PDLIM1: variants seen among roughly 807,000 people sequenced by gnomAD.
PDLIM1 encodes the protein PDZ and LIM domain protein 1.
A neutral mutation model predicts 35.2 loss-of-function variants in PDLIM1; 25 were observed. That is an observed-to-expected ratio of 0.71 (90% CI 0.52 to 0.99). The LOEUF is 0.99. Among genes scored for constraint, PDLIM1 ranks in the 50% least tolerant of loss-of-function variants. PDLIM1 has a pLI of 0.00. For missense variants in PDLIM1, 363 were observed against 415.3 expected, an observed-to-expected ratio of 0.87 and a Z score of 1.09; for synonymous variants, 152 against 154.0, an observed-to-expected ratio of 0.99 and a Z score of 0.10.
Position 95,266,239 on chromosome 10 carries a change from C to T in PDLIM1, c.334-2176G>A, listed in dbSNP as rs2035416121. ...ATAAATAACAAAAAATAAAAAACAA[C>T]ACAAAACTTCAGCAGTTATCAAAGA... On this transcript the variant is annotated intron_variant, in intron 3 of 6. Coordinates refer to ENST00000329399, the MANE Select transcript of PDLIM1 (RefSeq NM_020992.4). 1.3e-5 allele frequency among the ~76,000 whole-genome samples: 2 copies of T among 152,038 alleles called. 1 individual carries two copies. Among genetic ancestry groups the T allele is most frequent in the South Asian group, 4.2e-4 (2 of 4,808 alleles).
At chr10:95,277,606 G>A (rs2035523541) in intron 1 of PDLIM1, among the ~76,000 whole-genome samples, 1 of 152,002 alleles carries the variant, frequency 6.6e-6, no homozygotes, top group African/African-American at 2.4e-5. Flanking sequence ...TCACACCACT[G>A]CACTCCAGCC....
intron 4 of PDLIM1, among the ~76,000 whole-genome samples, chr10:95,253,523 C>T (rs911520617): frequency 6.6e-6 from 1 of 152,022 alleles, no homozygotes; most frequent in Non-Finnish European, 1.5e-5. Flanking sequence ...GGCGTGGTGG[C>T]GGATGCCCGT....
intron 2 of PDLIM1, 86 bp downstream of exon 2, chr10:95,271,547 G>T: frequency 2.5e-6 from 3 of 1,181,936 alleles, no homozygotes; most frequent in South Asian, 3.1e-5. Context: ...GGAGGTCTGG[G>T]GGATTCTGAG....
chr10:95,248,816 AG>A (rs2035244211), intron 4 of PDLIM1, among the ~76,000 whole-genome samples: 1 of 152,196 alleles, frequency 6.6e-6, no homozygotes, highest in Non-Finnish European at 1.5e-5. Context: ...CTAGCTTCAC[AG>A]CCTATGCACT....
chr10:95,270,540 G>A (rs1385346887), intron 2 of PDLIM1, among the ~76,000 whole-genome samples: 1 of 152,046 alleles, frequency 6.6e-6, no homozygotes, highest in Non-Finnish European at 1.5e-5. Flanking sequence ...CCCTTCCAAG[G>A]CTAAATGAAA....
chr10:95,268,993 T>C, intron 2 of PDLIM1, 131 bp from the exon 3 acceptor site: 1 of 652,494 alleles, frequency 1.5e-6, no homozygotes, highest in Non-Finnish European at 2.7e-6. Context: ...AGCTCTACCT[T>C]CCATTTGCCA....
chr10:95,268,068 A>C (rs2035430514), intron 3 of PDLIM1, among the ~76,000 whole-genome samples: 1 of 152,218 alleles, frequency 6.6e-6, no homozygotes, highest in African/African-American at 2.4e-5. Context: ...TGCCTTGTAG[A>C]TTATTTAGAA....
At chr10:95,256,086 A>T (rs1348798628) in intron 4 of PDLIM1, among the ~76,000 whole-genome samples, 2 of 152,222 alleles carry the variant, frequency 1.3e-5, no homozygotes, top group African/African-American at 4.8e-5. Context: ...AATACCTAAT[A>T]AACTTAACCA....
intron 2 of PDLIM1, among the ~76,000 whole-genome samples, chr10:95,269,402 T>C (rs1435257083): frequency 6.6e-6 from 1 of 151,704 alleles, no homozygotes; most frequent in Non-Finnish European, 1.5e-5. Flanking sequence ...TGAAACCCCA[T>C]CTCCACTAAA....
intron 4 of PDLIM1, among the ~76,000 whole-genome samples, chr10:95,254,420 A>G (rs1008540956): frequency 1.3e-5 from 2 of 152,242 alleles, no homozygotes; most frequent in African/African-American, 4.8e-5. Flanking sequence ...TATAACCACA[A>G]AAGGGTTAAC....
In PDLIM1 at chr10:95,243,876, C is replaced by T. The variant is rs45603539; in HGVS notation, c.685+3339G>A. ...CCAAAAGGACAACTACTGCATGACA[C>T]CACTTATACAAGGTATTTAGAGTAG... On this transcript the variant is annotated intron_variant, in intron 5 of 6. Coordinates refer to ENST00000329399, the MANE Select transcript of PDLIM1 (RefSeq NM_020992.4). 1.8e-3 allele frequency among the ~76,000 whole-genome samples: 270 copies of T among 152,142 alleles called. 2 individuals are homozygous for T. The highest frequency in any genetic ancestry group is 6.2e-3 in the African/African-American group (256 of 41,486).
intron 4 of PDLIM1, among the ~76,000 whole-genome samples, chr10:95,257,038 G>GAAAGAAAAAAAT (rs1440640324): frequency 0.013 from 1,623 of 129,664 alleles, 57 homozygotes; most frequent in Middle Eastern, 0.061. Flanking sequence ...AAGAAAGAAA[G>GAAAGAAAAAAAT]AATTCAAAAT....
At chr10:95,245,536 T>C (rs1008525475) in intron 5 of PDLIM1, among the ~76,000 whole-genome samples, 1 of 152,148 alleles carries the variant, frequency 6.6e-6, no homozygotes, top group Non-Finnish European at 1.5e-5. Flanking sequence ...ATTGAAGGGT[T>C]TCACATCCAC....
chr10:95,266,196 CACAAATA>C (rs1334989355), intron 3 of PDLIM1, among the ~76,000 whole-genome samples: 2 of 151,732 alleles, frequency 1.3e-5, no homozygotes, highest in Non-Finnish European at 2.9e-5. Context: ...GACTCCATCT[CACAAATA>C]AAAAATAAAA....
intron 1 of PDLIM1, among the ~76,000 whole-genome samples, chr10:95,276,723 G>T (rs2035514408): frequency 1.3e-5 from 2 of 152,014 alleles, no homozygotes; most frequent in Non-Finnish European, 2.9e-5. Flanking sequence ...TGAGGAAATG[G>T]AGGAACAGGG....
At chr10:95,263,283 T>G (rs2035382527) in intron 4 of PDLIM1, among the ~76,000 whole-genome samples, 1 of 152,108 alleles carries the variant, frequency 6.6e-6, no homozygotes, top group South Asian at 2.1e-4. Context: ...TCTCCCCCAG[T>G]TAAGCCTGCC....
chr10:95,252,224 C>T (rs1008857765), intron 4 of PDLIM1, among the ~76,000 whole-genome samples: 2 of 152,152 alleles, frequency 1.3e-5, no homozygotes, highest in African/African-American at 2.4e-5. Flanking sequence ...TCAGGACTCT[C>T]ACCACTGCTC....
chr10:95,250,387 T>C (rs888599458), intron 4 of PDLIM1, among the ~76,000 whole-genome samples: 1 of 151,780 alleles, frequency 6.6e-6, no homozygotes, highest in African/African-American at 2.4e-5. Context: ...TTTTCTCAAA[T>C]AATGATAGTA....
At chr10:95,271,559 T>C (rs1490536324) in intron 2 of PDLIM1, 74 bp downstream of exon 2, 2 of 1,314,730 alleles carry the variant, frequency 1.5e-6, no homozygotes, top group Non-Finnish European at 2.1e-6. Flanking sequence ...GATTCTGAGA[T>C]AGGGAAGGCA....
Sources: allele counts gnomAD v4.1 joint callset (sites outside exome capture counted in the v4.1 genomes callset), GRCh38; gene constraint gnomAD v4.1.1; transcripts MANE v1.5; gene names NCBI Gene and HGNC (gene_info 2026-07-23, HGNC 2026-07-21).